MAP2K7: variants seen among roughly 807,000 people sequenced by gnomAD.
MAP2K7 encodes the protein dual specificity mitogen-activated protein kinase kinase 7.
A neutral mutation model predicts 47.7 loss-of-function variants in MAP2K7; 12 were observed. The observed-to-expected ratio is 0.25, with a 90% CI of 0.16 to 0.41. The LOEUF (loss-of-function observed/expected upper bound fraction) is 0.41. MAP2K7 is among the 10% of genes least tolerant of loss of function. MAP2K7 has a pLI of 1.00. For missense variants in MAP2K7, 415 were observed against 600.3 expected (o/e 0.69, Z 3.23); for synonymous variants, 299 against 243.0 (o/e 1.23, Z -2.14).
rs1982735533 is a variant in MAP2K7, at chr19:7,910,247, C to T, written c.334-13C>T. The T allele has an allele frequency of 1.9e-6, 3 of 1,612,032 alleles. No homozygotes were observed. The highest frequency in any genetic ancestry group is 2.5e-6 in the Non-Finnish European group (3 of 1,179,358). On this transcript the variant is annotated splice_polypyrimidine_tract_variant and intron_variant, in intron 3 of 10. Coordinates refer to ENST00000397979, the MANE Select transcript of MAP2K7 (RefSeq NM_145185.4). ...AGGCCCCAGGGACCCTCCAACCCTC[C>T]CTCTCCTCCCAGCGCTACCAGGCAG...
chr19:7,913,301 TGAA>T lies in MAP2K7; in HGVS notation c.*873_*875del, dbSNP rs1983055929. On this transcript the variant is annotated 3_prime_UTR_variant, in exon 11 of 11. Coordinates refer to ENST00000397979, the MANE Select transcript of MAP2K7 (RefSeq NM_145185.4). ...CCGGGGGCCACAGCTTGGGGTGAGT[TGAA>T]GACCTCAGGGGATGTGGAGGGGTCT... 2 of 152,640 alleles carry T rather than the reference TGAA, an allele frequency of 1.3e-5. No homozygotes were observed. Among genetic ancestry groups the T allele is most frequent in the African/African-American group, 4.8e-5 (2 of 41,334 alleles). The allele number at this position is 152,640 out of a possible 1,614,324, so 9.5% of individuals were successfully genotyped here. A position where few individuals can be genotyped will look rare whatever the true frequency, so the allele number is the denominator to read the frequency against.
At position 7,910,463 on chromosome 19, in the gene MAP2K7, G is replaced by A. The variant is rs1441304667; in HGVS notation, c.458G>A (p.Arg153His). ...GHVIAVKQMR[R>H]SGNKEENKRI... ...TCCCTGCCTGTGCAGCAAATGCGGC[G>A]CTCCGGGAACAAGGAGGAGAACAAG... Residue 153 changes from arginine (R) to histidine (H), a missense_variant, in exon 5 of 11, where the codon CGC (arginine) becomes CAC (histidine). This residue lies in a region of MAP2K7 where 206 missense variants were observed against 368.8 expected (regional missense o/e 0.56). Transcript: ENST00000397979. The A allele has an allele frequency of 6.2e-7, 1 of 1,608,084 alleles. No individual in the cohort carries two copies. The highest frequency in any genetic ancestry group is 8.5e-7 in the Non-Finnish European group (1 of 1,177,506).
At chr19:7,911,405 A>C (rs1262814096) in intron 8 of MAP2K7, 31 bp from the exon 9 acceptor site, 1 of 1,612,856 alleles carries the variant, frequency 6.2e-7, no homozygotes, top group Non-Finnish European at 8.5e-7. Context: ...GAGAACATAA[A>C]CCTGTCCAGC....
intron 1 of MAP2K7, among the ~76,000 whole-genome samples, chr19:7,905,039 A>G (rs904678793): frequency 6.6e-6 from 1 of 150,494 alleles, no homozygotes; most frequent in African/African-American, 2.4e-5. Context: ...CTGGCCTGGG[A>G]ACACTGACCA....
At chr19:7,910,881 G>C in intron 6 of MAP2K7, 78 bp downstream of exon 6, 1 of 1,589,858 alleles carries the variant, frequency 6.3e-7, no homozygotes, top group African/African-American at 1.3e-5. Flanking sequence ...CACTGGGCAA[G>C]ATGACAGTGG....
Position 7,907,850 on chromosome 19 carries a change from CA to C in MAP2K7, c.125-1904del, listed in dbSNP as rs547448595. On this transcript the variant is annotated intron_variant, in intron 1 of 10. Coordinates refer to ENST00000397979, the MANE Select transcript of MAP2K7 (RefSeq NM_145185.4). The stretch of plus-strand genomic sequence containing the variant: ...AGTGTCTCAAGAGATGCCAGGTGCA[CA>C]GGGGTTGGGGGCTGGGTTGGGGGGA... 4.6e-5 allele frequency among the ~76,000 whole-genome samples: 7 copies of C among 151,600 alleles called. No homozygotes were observed. The South Asian group carries it at 1.5e-3, about 32-fold the overall frequency.
Position 7,903,892 on chromosome 19 carries a change from T to G in MAP2K7, c.-53T>G. ...GCGCAGGCGCAGTGCGGTGTTTGTC[T>G]GCCGGACTGACGGGCGGCCGGGCGG... On this transcript the variant is annotated 5_prime_UTR_variant, in exon 1 of 11. Coordinates refer to ENST00000397979, the MANE Select transcript of MAP2K7 (RefSeq NM_145185.4). 1 of 1,396,454 alleles carries G rather than the reference T, an allele frequency of 7.2e-7. No individual in the cohort carries two copies. The allele number at this position is 1,396,454 out of a possible 1,614,324, so 86.5% of individuals were successfully genotyped here.
intron 5 of MAP2K7, 50 bp downstream of exon 5, chr19:7,910,622 C>T (rs749069860): frequency 6.2e-7 from 1 of 1,611,884 alleles, no homozygotes; most frequent in African/African-American, 1.3e-5. Flanking sequence ...TCACCCCTGC[C>T]CCTTCCTAGG....
At chr19:7,907,654 T>G (rs1982552883) in intron 1 of MAP2K7, among the ~76,000 whole-genome samples, 1 of 152,070 alleles carries the variant, frequency 6.6e-6, no homozygotes, top group South Asian at 2.1e-4. Context: ...CCCCCCATGC[T>G]CCAGTCTGTG....
chr19:7,912,674 A>G lies in MAP2K7; in HGVS notation c.*243A>G, dbSNP rs1982981102. 3 of 570,332 alleles carry G rather than the reference A, an allele frequency of 5.3e-6. No individual in the cohort carries two copies. Among genetic ancestry groups the G allele is most frequent in the African/African-American group, 1.9e-5 (1 of 52,992 alleles). 35.3% of individuals were successfully genotyped at this position (570,332 alleles called of 1,614,324 possible). On this transcript the variant is annotated 3_prime_UTR_variant, in exon 11 of 11. Coordinates refer to ENST00000397979, the MANE Select transcript of MAP2K7 (RefSeq NM_145185.4). ...CCGACAGACACTGTGAACGGAAGAC[A>G]GCAGGCCGCGATCAGAGTCGCTGTT...
chr19:7,905,372 C>T (rs537570484), intron 1 of MAP2K7, among the ~76,000 whole-genome samples: 39 of 152,292 alleles, frequency 2.6e-4, no homozygotes, highest in Admixed American at 5.2e-4. Flanking sequence ...GTGGGTTCCT[C>T]CTTGGGGAGT....
chr19:7,911,989 GCTCCCC>G (rs1982905386), intron 9 of MAP2K7, among the ~76,000 whole-genome samples, 154 bp from the exon 10 acceptor site: 2 of 152,100 alleles, frequency 1.3e-5, no homozygotes, highest in African/African-American at 2.4e-5. Flanking sequence ...ACTCACAGTT[GCTCCCC>G]GCTGTCAGCC....
At chr19:7,912,089 G>GT in intron 9 of MAP2K7, 60 bp from the exon 10 acceptor site, 3 of 1,534,804 alleles carry the variant, frequency 2.0e-6, no homozygotes, top group Non-Finnish European at 2.7e-6. Context: ...GAGCACAGGG[G>GT]TGGGGCCGGC....
At chr19:7,911,725 A>G in intron 9 of MAP2K7, 147 bp downstream of exon 9, 1 of 831,938 alleles carries the variant, frequency 1.2e-6, no homozygotes, top group South Asian at 1.8e-5. Flanking sequence ...CTGCCACAGG[A>G]GCTGGAGCTG....
intron 1 of MAP2K7, chr19:7,906,149 G>A (rs1330814975): frequency 8.6e-6 from 4 of 465,306 alleles, no homozygotes; most frequent in South Asian, 8.1e-5. Flanking sequence ...GGTGGGGGGG[G>A]TGCACGCCTG....
chr19:7,904,562 A>G (rs779171825), intron 1 of MAP2K7: 2 of 205,382 alleles, frequency 9.7e-6, no homozygotes, highest in Admixed American at 6.3e-5. Flanking sequence ...ACTTGACCAC[A>G]TAGAGCCCCT....
At position 7,910,103 on chromosome 19, in the gene MAP2K7, A is replaced by G. The variant is rs1982722491; in HGVS notation, c.307A>G (p.Thr103Ala). 2 of 1,606,002 alleles carry G rather than the reference A, an allele frequency of 1.2e-6. No homozygotes were observed. The highest frequency in any genetic ancestry group is 1.7e-6 in the Non-Finnish European group (2 of 1,177,334). Residue 103 changes from threonine (T) to alanine (A), a missense_variant, in exon 3 of 11, where the codon ACG becomes GCG. Thr to Ala is a moderately conservative substitution (Grantham distance 58, BLOSUM62 0). This residue lies in a region of MAP2K7 where 206 missense variants were observed against 368.8 expected (regional missense o/e 0.56). Transcript: ENST00000397979. The stretch of plus-strand genomic sequence containing the variant: ...GAAGCTGCAGGAGATCATGAAGCAG[A>G]CGGGCTACCTGACCATCGGGGGCCA... ...DQKLQEIMKQ[T>A]GYLTIGGQRY... is the part of the protein sequence containing the mutation.
In MAP2K7 at chr19:7,910,585, C is replaced by T. The variant is rs1013985393; in HGVS notation, c.567+13C>T. On this transcript the variant is annotated intron_variant, in intron 5 of 10. Transcript: ENST00000397979. ...GTTCATCACCAACGTGAGTACCTGG[C>T]CGCGCCCTGCAGCGTCTCCTCCTCC... 8 of 1,613,342 alleles carry T rather than the reference C, an allele frequency of 5.0e-6. No homozygotes were observed. Among genetic ancestry groups the T allele is most frequent in the Non-Finnish European group, 6.8e-6 (8 of 1,179,888 alleles).
intron 1 of MAP2K7, chr19:7,904,357 TC>T: frequency 4.3e-6 from 1 of 231,004 alleles, no homozygotes; most frequent in Non-Finnish European, 8.9e-6. Context: ...GGGTCGGGCT[TC>T]CCCGACTCCA....
Sources: allele counts gnomAD v4.1 joint callset (sites outside exome capture counted in the v4.1 genomes callset), GRCh38; gene constraint gnomAD v4.1.1; regional missense constraint gnomAD v4.1.1; transcripts MANE v1.5; gene names NCBI Gene and HGNC (gene_info 2026-07-23, HGNC 2026-07-21).